The following RGS6 variants were observed in gnomAD, a reference collection of about 807,000 sequenced individuals.
The protein encoded by RGS6 is regulator of G protein signaling 6.
RGS6 carries 30 observed loss-of-function variants against 78.5 expected under a neutral mutation model. The ratio of observed to expected loss-of-function variants is 0.38; its 90% CI spans 0.29 to 0.52. The LOEUF (loss-of-function observed/expected upper bound fraction) is 0.52. Ranked by LOEUF, RGS6 falls within the 20% of genes least tolerant of loss-of-function variation. RGS6 has a pLI of 0.85. For missense variants in RGS6, 495 were observed against 609.7 expected (o/e 0.81, Z 1.98); for synonymous variants, 206 against 206.0 (o/e 1.00, Z 0.00).
Position 72,562,854 on chromosome 14 carries a change from C to T in RGS6, c.*387C>T, listed in dbSNP as rs540235667. The T allele has an allele frequency of 2.2e-5, 25 of 1,133,794 alleles. No homozygotes were observed. The highest frequency in any genetic ancestry group is 1.9e-4 in the Middle Eastern group (1 of 5,158). 70.2% of individuals were successfully genotyped at this position (1,133,794 alleles called of 1,614,324 possible). Reference sequence around the variant, plus strand: ...CCCTCGCTGTCTGGAGACGGTCACACCTTCTGGCAAATTCAAGAGGCATGA... The same window carrying T: ...CCCTCGCTGTCTGGAGACGGTCACATCTTCTGGCAAATTCAAGAGGCATGA... On this transcript the variant is annotated 3_prime_UTR_variant, in exon 18 of 18. Transcript: ENST00000553525.
intron 2 of RGS6, among the ~76,000 whole-genome samples, chr14:72,086,905 A>G (rs1056519613): frequency 6.6e-6 from 1 of 152,188 alleles, no homozygotes; most frequent in African/African-American, 2.4e-5. Flanking sequence ...AGTCAGCTAA[A>G]TGGTCTCTGA....
chr14:72,502,928 T>C (rs28698186), intron 13 of RGS6, among the ~76,000 whole-genome samples: 27,862 of 152,218 alleles, frequency 0.18, 3,053 homozygotes, highest in African/African-American at 0.32. Context: ...TTTTAAGGAA[T>C]TGCCTTATTT....
At chr14:72,396,365 A>G (rs982780159) in intron 3 of RGS6, among the ~76,000 whole-genome samples, 5 of 152,046 alleles carry the variant, frequency 3.3e-5, no homozygotes, top group East Asian at 1.9e-4. Flanking sequence ...CATATCCTTC[A>G]CCCACTTTTT....
intron 2 of RGS6, among the ~76,000 whole-genome samples, chr14:72,160,693 C>A (rs1473873390): frequency 6.6e-6 from 1 of 152,066 alleles, no homozygotes; most frequent in East Asian, 1.9e-4. Flanking sequence ...TGGAGAGATA[C>A]AAGGGATGCA....
chr14:72,428,078 G>A (rs1485137221), intron 3 of RGS6, among the ~76,000 whole-genome samples: 1 of 152,180 alleles, frequency 6.6e-6, no homozygotes, highest in Non-Finnish European at 1.5e-5. Context: ...CTTAGGCAAA[G>A]GCTAGATGGG....
At chr14:72,148,552 C>G (rs1392809843) in intron 2 of RGS6, among the ~76,000 whole-genome samples, 2 of 152,094 alleles carry the variant, frequency 1.3e-5, no homozygotes, top group African/African-American at 2.4e-5. Context: ...CTATTGTTCC[C>G]AGGTGAAAGA....
intron 3 of RGS6, among the ~76,000 whole-genome samples, chr14:72,353,756 G>T (rs1304749642): frequency 6.6e-6 from 1 of 152,114 alleles, no homozygotes; most frequent in Non-Finnish European, 1.5e-5. Flanking sequence ...GCTGAGGTAG[G>T]GGGATCACCT....
At chr14:72,229,468 G>A (rs1313473318) in intron 2 of RGS6, among the ~76,000 whole-genome samples, 1 of 152,058 alleles carries the variant, frequency 6.6e-6, no homozygotes. Context: ...CTCCCTACAT[G>A]TACCCTCCAT....
At chr14:72,228,108 G>C (rs555927017) in intron 2 of RGS6, among the ~76,000 whole-genome samples, 3 of 152,328 alleles carry the variant, frequency 2.0e-5, no homozygotes, top group African/African-American at 7.2e-5. Context: ...GCCAGGCACG[G>C]TGGCTGACAC....
the RGS6 span, among the ~76,000 whole-genome samples, chr14:71,878,811 G>A: frequency 1.3e-5 from 2 of 152,124 alleles, no homozygotes; most frequent in Non-Finnish European, 2.9e-5. Flanking sequence ...GTTCCTATTT[G>A]GCCATCTTGG....
intron 2 of RGS6, among the ~76,000 whole-genome samples, chr14:72,306,432 G>C (rs1028786014): frequency 6.6e-6 from 1 of 152,142 alleles, no homozygotes; most frequent in Non-Finnish European, 1.5e-5. Context: ...AATATACTTT[G>C]TGAGGCTATA....
chr14:72,415,420 T>C (rs974915809), intron 3 of RGS6, among the ~76,000 whole-genome samples: 1 of 152,214 alleles, frequency 6.6e-6, no homozygotes, highest in African/African-American at 2.4e-5. Flanking sequence ...GTGACCCAAT[T>C]TTCTGGGTTC....
chr14:72,501,424 T>C (rs775775476), intron 13 of RGS6, among the ~76,000 whole-genome samples: 2 of 152,182 alleles, frequency 1.3e-5, no homozygotes, highest in African/African-American at 2.4e-5. Flanking sequence ...TTTTAAAGGA[T>C]GGGCAAACTA....
intron 2 of RGS6, among the ~76,000 whole-genome samples, chr14:72,257,971 C>CAA (rs2057409215): frequency 1.3e-5 from 2 of 152,184 alleles, no homozygotes; most frequent in African/African-American, 4.8e-5. Flanking sequence ...CAGCTAATTC[C>CAA]TTAAGACCTG....
the RGS6 span, among the ~76,000 whole-genome samples, chr14:71,888,028 C>T: frequency 1.3e-5 from 2 of 152,140 alleles, no homozygotes; most frequent in Non-Finnish European, 2.9e-5. Context: ...CCCCCGGCGG[C>T]CCAGCTGTAA....
downstream of RGS6, among the ~76,000 whole-genome samples, chr14:72,567,115 C>T (rs919788774): frequency 6.6e-6 from 1 of 152,202 alleles, no homozygotes; most frequent in Admixed American, 6.5e-5. Context: ...CACCTAGCTG[C>T]ATACTTCAGT....
At chr14:72,445,644 A>T (rs571605250) in intron 3 of RGS6, among the ~76,000 whole-genome samples, 1 of 152,318 alleles carries the variant, frequency 6.6e-6, no homozygotes, top group African/African-American at 2.4e-5. Flanking sequence ...CTGAATATAC[A>T]TGTGTGGGTG....
At chr14:71,874,039 C>T in the RGS6 span, among the ~76,000 whole-genome samples, 1 of 152,186 alleles carries the variant, frequency 6.6e-6, no homozygotes, top group Non-Finnish European at 1.5e-5. Flanking sequence ...GTTTTGGTTA[C>T]TGTAGCCTTG....
intron 2 of RGS6, among the ~76,000 whole-genome samples, chr14:72,310,418 C>T (rs763525492): frequency 7.9e-5 from 12 of 152,222 alleles, no homozygotes; most frequent in South Asian, 2.1e-4. Context: ...TCCTAGGCCC[C>T]TTGACCTTTG....
Sources: allele counts gnomAD v4.1 joint callset (sites outside exome capture counted in the v4.1 genomes callset), GRCh38; gene constraint gnomAD v4.1.1; transcripts MANE v1.5; gene names NCBI Gene and HGNC (gene_info 2026-07-23, HGNC 2026-07-21).